Variants in MEGF10 observed in about 807,000 individuals in gnomAD.
MEGF10 encodes the protein multiple epidermal growth factor-like domains protein 10.
A neutral mutation model predicts 147.5 loss-of-function variants in MEGF10; 86 were observed. The ratio of observed to expected loss-of-function variants is 0.58; its 90% CI spans 0.49 to 0.70. MEGF10 has a LOEUF of 0.70. Ranked by LOEUF, MEGF10 falls within the 30% of genes least tolerant of loss-of-function variation. MEGF10 has a pLI of 0.00. For synonymous variants in MEGF10, 478 were observed against 525.5 expected (o/e 0.91, Z 1.24); for missense variants, 1,329 against 1,487.3 (o/e 0.89, Z 1.75).
chr5:127,410,237 G>T, intron 8 of MEGF10, 152 bp from the exon 9 acceptor site: 1 of 686,634 alleles, frequency 1.5e-6, no homozygotes. Context: ...GTATCTTAAC[G>T]CTTTTCATCC....
the MEGF10 span, among the ~76,000 whole-genome samples, chr5:127,232,312 C>T: frequency 3.9e-5 from 6 of 152,218 alleles, no homozygotes; most frequent in Non-Finnish European, 8.8e-5. Flanking sequence ...TTCTCTCCAA[C>T]GAAATTATCT....
chr5:127,363,301 A>G (rs1762541596), intron 4 of MEGF10, among the ~76,000 whole-genome samples: 2 of 152,220 alleles, frequency 1.3e-5, no homozygotes, highest in Admixed American at 6.5e-5. Context: ...AAAAATAGAA[A>G]CATATACATA....
At chr5:127,327,704 CTTTTCTTTTCT>C (rs1321209976) in intron 1 of MEGF10, among the ~76,000 whole-genome samples, 8 of 124,126 alleles carry the variant, frequency 6.4e-5, no homozygotes, top group Non-Finnish European at 1.1e-4. Flanking sequence ...TTTTTCTTTT[CTTTTCTTTTCT>C]TTTTTTTTTT....
intron 1 of MEGF10, among the ~76,000 whole-genome samples, chr5:127,329,795 C>T (rs1300820177): frequency 6.6e-6 from 1 of 152,084 alleles, no homozygotes; most frequent in African/African-American, 2.4e-5. Context: ...AATTTTGTAT[C>T]CATTTTTATA....
the MEGF10 span, among the ~76,000 whole-genome samples, chr5:127,277,468 C>T: frequency 3.0e-4 from 46 of 152,176 alleles, 2 homozygotes. Context: ...AAGAAACCTC[C>T]TGCTTACAAA....
chr5:127,380,064 CTTG>C (rs1763191989), intron 5 of MEGF10, among the ~76,000 whole-genome samples: 2 of 76,130 alleles, frequency 2.6e-5, no homozygotes, highest in African/African-American at 4.5e-5. Flanking sequence ...GATTTGTTAA[CTTG>C]TTTTTTTTTT....
At chr5:127,387,564 TG>T (rs1457101900) in intron 5 of MEGF10, among the ~76,000 whole-genome samples, 1 of 152,206 alleles carries the variant, frequency 6.6e-6, no homozygotes, top group Non-Finnish European at 1.5e-5. Context: ...GTTTTGTAAT[TG>T]ATGACCATCA....
intron 5 of MEGF10, among the ~76,000 whole-genome samples, chr5:127,385,863 G>C (rs945800093): frequency 6.6e-6 from 1 of 152,178 alleles, no homozygotes; most frequent in Admixed American, 6.5e-5. Context: ...CCTGCACTTT[G>C]GGAGGCCCAG....
At chr5:127,385,238 A>G (rs1020185121) in intron 5 of MEGF10, among the ~76,000 whole-genome samples, 1 of 152,192 alleles carries the variant, frequency 6.6e-6, no homozygotes, top group Non-Finnish European at 1.5e-5. Context: ...CAAACCTCAT[A>G]TAAATATATA....
chr5:127,264,981 A>G, the MEGF10 span, among the ~76,000 whole-genome samples: 2 of 151,902 alleles, frequency 1.3e-5, no homozygotes, highest in South Asian at 2.1e-4. Flanking sequence ...GGTTTGTTAC[A>G]TATGTATACA....
intron 5 of MEGF10, among the ~76,000 whole-genome samples, chr5:127,383,524 G>T (rs909628079): frequency 6.6e-6 from 1 of 151,886 alleles, no homozygotes. Flanking sequence ...GAAAACAAAA[G>T]ATTCACAGCA....
chr5:127,376,450 A>G (rs1343886184), intron 5 of MEGF10, among the ~76,000 whole-genome samples: 1 of 152,144 alleles, frequency 6.6e-6, no homozygotes, highest in African/African-American at 2.4e-5. Flanking sequence ...AGTAAGGAGT[A>G]CTGCCCATTC....
chr5:127,376,370 T>C (rs1763027083), intron 5 of MEGF10, among the ~76,000 whole-genome samples: 1 of 152,064 alleles, frequency 6.6e-6, no homozygotes, highest in Non-Finnish European at 1.5e-5. Flanking sequence ...GATTGCGGAA[T>C]AGAGGCAACA....
At chr5:127,309,660 T>C (rs1561561656) in intron 1 of MEGF10, among the ~76,000 whole-genome samples, 1 of 152,234 alleles carries the variant, frequency 6.6e-6, no homozygotes, top group Non-Finnish European at 1.5e-5. Context: ...AGTTGTAGTA[T>C]ATACCACATT....
chr5:127,267,391 A>G, the MEGF10 span, among the ~76,000 whole-genome samples: 4 of 151,788 alleles, frequency 2.6e-5, no homozygotes, highest in African/African-American at 9.7e-5. Context: ...CTCTTTTTTT[A>G]TTGTGTCTCT....
chr5:127,388,670 C>G (rs573009086), intron 5 of MEGF10, among the ~76,000 whole-genome samples: 1 of 152,018 alleles, frequency 6.6e-6, no homozygotes, highest in African/African-American at 2.4e-5. Flanking sequence ...CTCAGCCTCC[C>G]AAGTAGCTGG....
chr5:127,385,301 A>T (rs1763388207), intron 5 of MEGF10, among the ~76,000 whole-genome samples: 1 of 152,104 alleles, frequency 6.6e-6, no homozygotes, highest in Non-Finnish European at 1.5e-5. Context: ...CTTGATATTT[A>T]TAATTTTTTT....
Position 127,445,606 on chromosome 5 carries a change from C to A in MEGF10, c.2641C>A (p.His881Asn). Residue 881 changes from histidine to asparagine, a missense_variant, in exon 20 of 25, where the codon CAC (histidine) becomes AAC (asparagine). Physicochemically the swap from His to Asn is moderately conservative, Grantham distance 68. Transcript: ENST00000503335. ...FLLALFIIYR[H>N]KQKGKESSMP... Reference sequence around the variant, plus strand: ...ACTGGCATTGTTCATTATTTATAGACACAAGCAGAAGGGAAAGGAATCAAG... The same window carrying A: ...ACTGGCATTGTTCATTATTTATAGAAACAAGCAGAAGGGAAAGGAATCAAG... The A allele has an allele frequency of 6.2e-7, 1 of 1,614,032 alleles. No individual in the cohort carries two copies.
Position 127,396,531 on chromosome 5 carries a change from GC to G in MEGF10, c.414del (p.Cys139AlafsTer197), listed in dbSNP as rs1231076627. On this transcript the variant is annotated frameshift_variant and splice_region_variant, in exon 6 of 25. Coordinates refer to ENST00000503335, the MANE Select transcript of MEGF10 (RefSeq NM_001256545.2). LOFTEE classifies it high-confidence loss of function. ...TCCACTGTTTCTCTCCTCAATCTCA[GC>G]CTGCGATGGTGATCACTGGGGTCCC... Reference protein sequence around the residue: ...PGWGGTNCSSACDGDHWGPHC... With the variant: ...PGWGGTNCSSXCDGDHWGPHC... 1 of 1,528,564 alleles carries G rather than the reference GC, an allele frequency of 6.5e-7. No homozygotes were observed. Among genetic ancestry groups the G allele is most frequent in the Non-Finnish European group, 8.8e-7 (1 of 1,134,938 alleles). 94.7% of individuals were successfully genotyped at this position (1,528,564 alleles called of 1,614,324 possible). A position where few individuals can be genotyped will look rare whatever the true frequency, so the allele number is the denominator to read the frequency against.
Sources: allele counts gnomAD v4.1 joint callset (sites outside exome capture counted in the v4.1 genomes callset), GRCh38; gene constraint gnomAD v4.1.1; transcripts MANE v1.5; gene names NCBI Gene and HGNC (gene_info 2026-07-23, HGNC 2026-07-21).